SOX10: variants seen among roughly 807,000 people sequenced by gnomAD.
SOX10 encodes SRY-box transcription factor 10.
Under a neutral mutation model 35.0 loss-of-function variants are expected in SOX10, and 3 were observed. The observed-to-expected ratio is 0.09, with a 90% CI of 0.04 to 0.22. The LOEUF (loss-of-function observed/expected upper bound fraction) is 0.22, where lower values mean the gene tolerates loss of function less well. SOX10 is among the 10% of genes least tolerant of loss of function. The pLI is 1.00. For missense variants in SOX10, 436 were observed against 655.1 expected, an observed-to-expected ratio of 0.67 and a Z score of 3.65; for synonymous variants, 285 against 291.0, an observed-to-expected ratio of 0.98 and a Z score of 0.21.
chr22:37,979,797 G>A (rs970050352), intron 2 of SOX10, among the ~76,000 whole-genome samples: 3 of 152,036 alleles, frequency 2.0e-5, no homozygotes, highest in African/African-American at 7.3e-5. Flanking sequence ...GGGGTCGAGG[G>A]GAAAGTCCAG....
Position 37,983,970 on chromosome 22 carries a change from C to T in SOX10, c.-84-102G>A, listed in dbSNP as rs1043211473. ...CCCCGAGGTGGCGGCCCTTCCTGCT[C>T]CAGCTAAACCCATCTGGCCCCTGGG... is the stretch of plus-strand genomic sequence containing the variant. On this transcript the variant is annotated intron_variant, in intron 1 of 3. Coordinates refer to ENST00000396884, the MANE Select transcript of SOX10 (RefSeq NM_006941.4). This position sits in a 1 kb window ranked among gnomAD's most constrained non-coding sequence, Gnocchi z 9.5. 3.5e-5 allele frequency: 13 copies of T among 372,552 alleles called. No homozygotes were observed. The highest frequency in any genetic ancestry group is 2.7e-4 in the South Asian group (5 of 18,234). The allele number at this position is 372,552 out of a possible 1,614,324, so 23.1% of individuals were successfully genotyped here. A position where few individuals can be genotyped will look rare whatever the true frequency, so the allele number is the denominator to read the frequency against.
chr22:37,973,511 G>A lies in SOX10; in HGVS notation c.1385C>T (p.Thr462Ile). Residue 462 changes from threonine (T) to isoleucine (I), a missense_variant, in exon 4 of 4, where the codon ACA becomes ATA. Transcript: ENST00000396884. Reference sequence around the variant, plus strand: ...GGGCCCCCTTTAGGGCCGGGACAGTGTCGTATATACTGGCTGCTCCCAGTG... The same window carrying A: ...GGGCCCCCTTTAGGGCCGGGACAGTATCGTATATACTGGCTGCTCCCAGTG... ...PTHWEQPVYT[T>I]LSRP 6.2e-7 allele frequency: 1 copy of A among 1,606,178 alleles called. No individual in the cohort carries two copies.
chr22:37,978,032 G>A lies in SOX10; in HGVS notation c.532C>T (p.Arg178Trp), dbSNP rs1932277071. 1.9e-6 allele frequency: 3 copies of A among 1,610,866 alleles called. No individual in the cohort carries two copies. The highest frequency in any genetic ancestry group is 2.5e-6 in the Non-Finnish European group (3 of 1,179,246). Residue 178 changes from arginine to tryptophan, a missense_variant, in exon 3 of 4, where the codon CGG becomes TGG. Around this residue, in one of 3 missense-constraint regions of SOX10, gnomAD observed 285 missense variants for 402.9 expected, o/e 0.71. Transcript: ENST00000396884. This position sits in a 1 kb window ranked among gnomAD's most constrained non-coding sequence, Gnocchi z 5.0. ...CCCTGGGCGGCCTTCCCGTTCTTCCGCCGCCTGGGCTGGTACTTGTAGTCC... is the reference window on the plus strand; with the variant it reads ...CCCTGGGCGGCCTTCCCGTTCTTCCACCGCCTGGGCTGGTACTTGTAGTCC... The part of the protein sequence containing the change: ...HPDYKYQPRR[R>W]KNGKAAQGEA...
chr22:37,979,479 AT>A (rs1932328631), intron 2 of SOX10, among the ~76,000 whole-genome samples: 1 of 151,138 alleles, frequency 6.6e-6, no homozygotes, highest in Non-Finnish European at 1.5e-5. Context: ...CTGGGTCCTG[AT>A]TGTGTGAATT....
In SOX10 at chr22:37,973,704, G is replaced by T; in HGVS notation, c.1192C>A (p.Pro398Thr). Residue 398 changes from proline to threonine, a missense_variant, in exon 4 of 4, where the codon CCC becomes ACC. Transcript: ENST00000396884. The part of the protein sequence containing the change: ...YGSAFPSISR[P>T]QFDYSDHQPS... ...TGATGGTCAGAGTAGTCAAACTGGG[G>T]GCGGGAGATGGAGGGGAAGGCTGAG... 6.2e-7 allele frequency: 1 copy of T among 1,607,834 alleles called. No homozygotes were observed. The highest frequency in any genetic ancestry group is 1.1e-5 in the South Asian group (1 of 90,900).
chr22:37,973,777 T>C lies in SOX10; in HGVS notation c.1119A>G (p.Pro373=). 6.3e-7 allele frequency: 1 copy of C among 1,595,540 alleles called. No individual in the cohort carries two copies. Among genetic ancestry groups the C allele is most frequent in the Non-Finnish European group, 8.6e-7 (1 of 1,168,478 alleles). Residue 373 remains proline, a synonymous_variant, in exon 4 of 4, where the codon CCA becomes CCG. Transcript: ENST00000396884. The part of the protein sequence containing the change: ...PQGPPHYTDQ[P]STSQIAYTSL... The stretch of plus-strand genomic sequence containing the variant: ...AGGTGTAGGCGATCTGTGAGGTGGA[T>C]GGCTGGTCGGTGTAGTGTGGGGGCC...
rs572090913 is a variant in SOX10 at position 37,980,778 on chromosome 22, C to T, written c.428+2579G>A. Among the ~76,000 whole-genome samples, 36 of 152,356 alleles carry T rather than the reference C, an allele frequency of 2.4e-4. No individual in the cohort carries two copies. Among genetic ancestry groups the T allele is most frequent in the African/African-American group, 7.9e-4 (33 of 41,588 alleles). ...CAAGAAGAGGTAGGCTGATTCCTCACCCAAACTGGAAACCCCAACCGGGGA... is the reference window on the plus strand; with the variant it reads ...CAAGAAGAGGTAGGCTGATTCCTCATCCAAACTGGAAACCCCAACCGGGGA... On this transcript the variant is annotated intron_variant, in intron 2 of 3. Transcript: ENST00000396884. The surrounding 1 kb of genome is among the most constrained non-coding windows in gnomAD (Gnocchi z 4.1).
In SOX10 at chr22:37,973,312, G is replaced by A; in HGVS notation, c.*183C>T. The A allele has an allele frequency of 1.8e-6, 1 of 569,452 alleles. No individual in the cohort carries two copies. Among genetic ancestry groups the A allele is most frequent in the South Asian group, 2.4e-5 (1 of 41,464 alleles). 35.3% of individuals were successfully genotyped at this position (569,452 alleles called of 1,614,324 possible). On this transcript the variant is annotated 3_prime_UTR_variant, in exon 4 of 4. Coordinates refer to ENST00000396884, the MANE Select transcript of SOX10 (RefSeq NM_006941.4). Reference sequence around the variant, plus strand: ...CTGTTCTCCTGGGGCTTTGCTGCTGGAGCCTGGATGGGGCGGGTGGGTCAT... The same window carrying A: ...CTGTTCTCCTGGGGCTTTGCTGCTGAAGCCTGGATGGGGCGGGTGGGTCAT...
Position 37,973,598 on chromosome 22 carries a change from C to T in SOX10, c.1298G>A (p.Arg433Gln), listed in dbSNP as rs1181391352. The change falls in exon 4 of 4, where the codon CGG becomes CAG. Residue 433 changes from arginine (R) to glutamine (Q), a missense_variant. Coordinates refer to ENST00000396884, the MANE Select transcript of SOX10 (RefSeq NM_006941.4). Reference sequence around the variant, plus strand: ...GTCAGAGATGGCCGTGTAGAGGGGCCGCTGCGAGGGCCCCATATAGGAGAA... The same window carrying T: ...GTCAGAGATGGCCGTGTAGAGGGGCTGCTGCGAGGGCCCCATATAGGAGAA... ...SAFSYMGPSQ[R>Q]PLYTAISDPS... is the part of the protein sequence containing the mutation. 1.1e-5 allele frequency: 17 copies of T among 1,613,242 alleles called. No individual in the cohort carries two copies. Among genetic ancestry groups the T allele is most frequent in the Admixed American group, 1.7e-5 (1 of 60,016 alleles).
Position 37,983,961 on chromosome 22 carries a change from C to T in SOX10, c.-84-93G>A. The T allele has an allele frequency of 5.0e-6, 2 of 397,036 alleles. No individual in the cohort carries two copies. The highest frequency in any genetic ancestry group is 8.5e-6 in the Non-Finnish European group (2 of 236,488). The allele number at this position is 397,036 out of a possible 1,614,324, so 24.6% of individuals were successfully genotyped here. A position where few individuals can be genotyped will look rare whatever the true frequency, so the allele number is the denominator to read the frequency against. On this transcript the variant is annotated intron_variant, in intron 1 of 3. Transcript: ENST00000396884. The surrounding 1 kb of genome is among the most constrained non-coding windows in gnomAD (Gnocchi z 9.5). ...TGGGCACAGCCCCGAGGTGGCGGCC[C>T]TTCCTGCTCCAGCTAAACCCATCTG... is the stretch of plus-strand genomic sequence containing the variant.
At position 37,973,520 on chromosome 22, in the gene SOX10, A is replaced by G; in HGVS notation, c.1376T>C (p.Val459Ala). The change falls in exon 4 of 4, where the codon GTA becomes GCA. Residue 459 changes from valine (V) to alanine (A), a missense_variant. Transcript: ENST00000396884. Reference sequence around the variant, plus strand: ...TTAGGGCCGGGACAGTGTCGTATATACTGGCTGCTCCCAGTGTGTGGGGCT... The same window carrying G: ...TTAGGGCCGGGACAGTGTCGTATATGCTGGCTGCTCCCAGTGTGTGGGGCT... ...SHSPTHWEQP[V>A]YTTLSRP is the part of the protein sequence containing the mutation. 6.2e-7 allele frequency: 1 copy of G among 1,609,168 alleles called. No individual in the cohort carries two copies. Among genetic ancestry groups the G allele is most frequent in the Non-Finnish European group, 8.5e-7 (1 of 1,178,590 alleles).
rs1182979777 is a variant in SOX10, at chr22:37,984,433, G to A, written c.-179C>T. The A allele has an allele frequency of 2.6e-5, 4 of 151,674 alleles. No individual in the cohort carries two copies. The highest frequency in any genetic ancestry group is 6.6e-5 in the Admixed American group (1 of 15,190). 9.4% of individuals were successfully genotyped at this position (151,674 alleles called of 1,614,324 possible). On this transcript the variant is annotated 5_prime_UTR_variant, in exon 1 of 4. Coordinates refer to ENST00000396884, the MANE Select transcript of SOX10 (RefSeq NM_006941.4). This position sits in a 1 kb window ranked among gnomAD's most constrained non-coding sequence, Gnocchi z 4.4. ...GTCCAGCTCGGGGCTGGGAGGTGAC[G>A]CTGGTGGGCTGGGAGGGAGGGGCGG...
rs772944022 is a variant in SOX10 at position 37,972,928 on chromosome 22, T to C, written c.*567A>G. On this transcript the variant is annotated 3_prime_UTR_variant, in exon 4 of 4. Transcript: ENST00000396884. ...AGAAAGGGAGGGGGCATTGAAGGGATGAGAACTCCACTAAGTCCCTCGAAC... is the reference window on the plus strand; with the variant it reads ...AGAAAGGGAGGGGGCATTGAAGGGACGAGAACTCCACTAAGTCCCTCGAAC... The C allele has an allele frequency of 6.5e-6, 1 of 154,506 alleles. No homozygotes were observed. The highest frequency in any genetic ancestry group is 1.4e-5 in the Non-Finnish European group (1 of 69,612). The allele number at this position is 154,506 out of a possible 1,614,324, so 9.6% of individuals were successfully genotyped here.
chr22:37,975,102 C>T (rs951079021), intron 3 of SOX10, among the ~76,000 whole-genome samples: 1 of 152,212 alleles, frequency 6.6e-6, no homozygotes, highest in African/African-American at 2.4e-5. Flanking sequence ...AAAACTGGTC[C>T]TTGTTCCTTT....
rs1407535458 is a variant in SOX10, at chr22:37,974,114, C to T, written c.782G>A (p.Arg261His). The change falls in exon 4 of 4, where the codon CGC (arginine) becomes CAC (histidine). Residue 261 changes from arginine to histidine, a missense_variant. Physicochemically the swap from Arg to His is conservative, Grantham distance 29. Transcript: ENST00000396884. This position sits in a 1 kb window ranked among gnomAD's most constrained non-coding sequence, Gnocchi z 5.4. Reference sequence around the variant, plus strand: ...AGGCTTCCCGCCCTCCCCCATGGAGCGCCCGTCCCGCTTCGGGTCTGCCTT... The same window carrying T: ...AGGCTTCCCGCCCTCCCCCATGGAGTGCCCGTCCCGCTTCGGGTCTGCCTT... ...SGKADPKRDGRSMGEGGKPHI... is the reference protein window; with the variant it reads ...SGKADPKRDGHSMGEGGKPHI... 5.0e-6 allele frequency: 8 copies of T among 1,613,136 alleles called. No individual in the cohort carries two copies. In the Admixed American group the frequency reaches 8.3e-5, roughly 17 times the overall value.
chr22:37,983,389 A>G lies in SOX10; in HGVS notation c.396T>C (p.Ala132=), dbSNP rs773304320. ...GCTTGCCCAGCGTCTTGCTGAGCTCAGCGTTGTGCAGGTGCGGGTACTGGT... is the reference window on the plus strand; with the variant it reads ...GCTTGCCCAGCGTCTTGCTGAGCTCGGCGTTGTGCAGGTGCGGGTACTGGT... ...LADQYPHLHN[A]ELSKTLGKLW... Residue 132 remains alanine, a synonymous_variant, in exon 2 of 4, where the codon GCT becomes GCC. Coordinates refer to ENST00000396884, the MANE Select transcript of SOX10 (RefSeq NM_006941.4). The surrounding 1 kb of genome is among the most constrained non-coding windows in gnomAD (Gnocchi z 9.5). 7.5e-6 allele frequency: 12 copies of G among 1,609,968 alleles called. No individual in the cohort carries two copies. In the South Asian group the frequency reaches 1.3e-4, roughly 18 times the overall value.
chr22:37,973,280 G>T lies in SOX10; in HGVS notation c.*215C>A. The T allele has an allele frequency of 9.0e-6, 5 of 554,404 alleles. No homozygotes were observed. In the East Asian group the frequency reaches 1.4e-4, roughly 16 times the overall value. 34.3% of individuals were successfully genotyped at this position (554,404 alleles called of 1,614,324 possible). A position where few individuals can be genotyped will look rare whatever the true frequency, so the allele number is the denominator to read the frequency against. ...GCAACAGTCAACCTCCTTCTCCTCT[G>T]TCCAGCCTGTTCTCCTGGGGCTTTG... On this transcript the variant is annotated 3_prime_UTR_variant, in exon 4 of 4. Coordinates refer to ENST00000396884, the MANE Select transcript of SOX10 (RefSeq NM_006941.4).
intron 3 of SOX10, among the ~76,000 whole-genome samples, chr22:37,977,545 C>T (rs1932258523): frequency 6.6e-6 from 1 of 152,114 alleles, no homozygotes; most frequent in Admixed American, 6.5e-5. Context: ...TGGTCTCGAT[C>T]TCCTGACCTC....
At chr22:37,979,196 C>T (rs1257001310) in intron 2 of SOX10, among the ~76,000 whole-genome samples, 1 of 152,134 alleles carries the variant, frequency 6.6e-6, no homozygotes, top group Non-Finnish European at 1.5e-5. Flanking sequence ...TTCCTGAGTT[C>T]AAGCGATTCT....
Sources: allele counts gnomAD v4.1 joint callset (sites outside exome capture counted in the v4.1 genomes callset), GRCh38; gene constraint gnomAD v4.1.1; regional missense constraint gnomAD v4.1.1; non-coding constraint Gnocchi (gnomAD v3.1); transcripts MANE v1.5; gene names NCBI Gene and HGNC (gene_info 2026-07-23, HGNC 2026-07-21).